HSDL1: variants seen among roughly 807,000 people sequenced by gnomAD.
The protein encoded by HSDL1 is inactive hydroxysteroid dehydrogenase-like protein 1.
In HSDL1, 29 loss-of-function variants were observed where a neutral mutation model predicts 31.5. The ratio of observed to expected loss-of-function variants is 0.92; its 90% confidence interval spans 0.69 to 1.26. HSDL1 has a LOEUF of 1.26. Ranked by LOEUF, HSDL1 falls within the 50% of genes most tolerant of loss-of-function variation. The pLI is 0.00. For missense variants in HSDL1, 503 were observed against 416.6 expected, an observed-to-expected ratio of 1.21 and a Z score of -1.81; for synonymous variants, 222 against 155.2, an observed-to-expected ratio of 1.43 and a Z score of -3.20.
At chr16:84,141,888 T>C (rs2086772522) in intron 1 of HSDL1, among the ~76,000 whole-genome samples, 1 of 152,206 alleles carries the variant, frequency 6.6e-6, no homozygotes, top group Non-Finnish European at 1.5e-5. Flanking sequence ...TAGCTCTCTG[T>C]ATGTTTTGTG....
chr16:84,132,484 T>C (rs535745500), intron 2 of HSDL1, among the ~76,000 whole-genome samples: 22 of 152,362 alleles, frequency 1.4e-4, no homozygotes, highest in African/African-American at 3.8e-4. Flanking sequence ...GTAACCATTA[T>C]GTTGCCTGGT....
intron 1 of HSDL1, among the ~76,000 whole-genome samples, chr16:84,143,209 A>G (rs190877187): frequency 8.5e-5 from 13 of 152,364 alleles, no homozygotes; most frequent in African/African-American, 3.1e-4. Context: ...AATGTCCATC[A>G]ACAAATGAAT....
chr16:84,127,209 CTTTTTTTTTTT>C (rs71148881), intron 5 of HSDL1, among the ~76,000 whole-genome samples: 15,147 of 93,726 alleles, frequency 0.16, 1,212 homozygotes, highest in African/African-American at 0.29. Flanking sequence ...ACTGTTTCTT[CTTTTTTTTTTT>C]TTTTTTTTTT....
rs1462423516 is a variant in HSDL1 at position 84,131,517 on chromosome 16, CT to C, written c.-6-191del. On this transcript the variant is annotated intron_variant, in intron 2 of 5. Coordinates refer to ENST00000219439, the MANE Select transcript of HSDL1 (RefSeq NM_031463.5). Reference sequence around the variant, plus strand: ...TCTATCTATCTATCTATCTATCTATCTATCTATCTATCTATCAGACAGAGTC... The same window carrying C: ...TCTATCTATCTATCTATCTATCTATCATCTATCTATCTATCAGACAGAGTC... Among the ~76,000 whole-genome samples, 345 of 151,146 alleles carry C rather than the reference CT, an allele frequency of 2.3e-3. 1 individual carries two copies. The highest frequency in any genetic ancestry group is 9.6e-3 in the South Asian group (46 of 4,812).
At chr16:84,140,222 C>G (rs2151192004) in intron 1 of HSDL1, among the ~76,000 whole-genome samples, 1 of 152,320 alleles carries the variant, frequency 6.6e-6, no homozygotes, top group Non-Finnish European at 1.5e-5. Context: ...GCACAGGCCT[C>G]TGGAGGGCAG....
chr16:84,131,499 ATC>A (rs2086666095), intron 2 of HSDL1, among the ~76,000 whole-genome samples, 172 bp from the exon 3 acceptor site: 1 of 149,476 alleles, frequency 6.7e-6, no homozygotes, highest in South Asian at 2.1e-4. Flanking sequence ...CTATCTATCT[ATC>A]TATCTATCTA....
chr16:84,143,304 T>C (rs1206950772), intron 1 of HSDL1, among the ~76,000 whole-genome samples: 2 of 152,210 alleles, frequency 1.3e-5, no homozygotes, highest in African/African-American at 2.4e-5. Context: ...TACTACAACA[T>C]GGATAAACTT....
At chr16:84,131,629 C>T (rs1365393536) in intron 2 of HSDL1, among the ~76,000 whole-genome samples, 1 of 151,986 alleles carries the variant, frequency 6.6e-6, no homozygotes, top group South Asian at 2.1e-4. Flanking sequence ...ATTCTCCTGC[C>T]TCAGCCTCCC....
rs562402816 is a variant in HSDL1 at position 84,138,475 on chromosome 16, A to G, written c.-68-2870T>C. On this transcript the variant is annotated intron_variant, in intron 1 of 5. Coordinates refer to ENST00000219439, the MANE Select transcript of HSDL1 (RefSeq NM_031463.5). ...AGGGTAGATCTCAAGTGTTCTCACC[A>G]TAAAGAAATAAAAAAGTAACTGAGG... Among the ~76,000 whole-genome samples, 38 of 151,672 alleles carry G rather than the reference A, an allele frequency of 2.5e-4. No individual in the cohort carries two copies. In the South Asian group the frequency reaches 5.2e-3, roughly 21 times the overall value.
rs139348951 is a variant in HSDL1, at chr16:84,132,374, T to TA, written c.-6-1048dup. 2.0e-4 allele frequency among the ~76,000 whole-genome samples: 31 copies of TA among 151,326 alleles called. No homozygotes were observed. The South Asian group carries it at 4.6e-3, about 23-fold the overall frequency. Reference sequence around the variant, plus strand: ...AGCTTTCAAAAACCTTTACATCAATTAAAAAAAAAATTTTTTTTAAAGAGA... The same window carrying TA: ...AGCTTTCAAAAACCTTTACATCAATTAAAAAAAAAAATTTTTTTTAAAGAGA... On this transcript the variant is annotated intron_variant, in intron 2 of 5. Transcript: ENST00000219439.
chr16:84,144,443 G>C (rs939315143), intron 1 of HSDL1: 4 of 152,396 alleles, frequency 2.6e-5, no homozygotes, highest in African/African-American at 9.7e-5. Context: ...GCGTCTGGGT[G>C]GCACGTTCAG....
intron 2 of HSDL1, among the ~76,000 whole-genome samples, chr16:84,134,119 C>T (rs1266891759): frequency 6.6e-6 from 1 of 152,082 alleles, no homozygotes; most frequent in African/African-American, 2.4e-5. Context: ...TTAGGGCCCC[C>T]CCTTCAGTGT....
chr16:84,131,530 TATCA>T (rs1281679565), intron 2 of HSDL1, among the ~76,000 whole-genome samples: 14 of 146,248 alleles, frequency 9.6e-5, no homozygotes, highest in East Asian at 2.1e-4. Context: ...TCTATCTATC[TATCA>T]GACAGAGTCT....
intron 5 of HSDL1, among the ~76,000 whole-genome samples, chr16:84,127,946 C>G (rs1288497069): frequency 2.0e-5 from 3 of 150,598 alleles, no homozygotes; most frequent in East Asian, 4.0e-4. Flanking sequence ...GTCTCGATCT[C>G]CTGACCTCGT....
intron 2 of HSDL1, among the ~76,000 whole-genome samples, chr16:84,132,686 T>C (rs1323528604): frequency 6.6e-6 from 1 of 152,136 alleles, no homozygotes; most frequent in Non-Finnish European, 1.5e-5. Context: ...GTGGTAGGTG[T>C]GTGCCTGCAA....
chr16:84,140,393 T>C (rs2086755470), intron 1 of HSDL1, among the ~76,000 whole-genome samples: 1 of 152,016 alleles, frequency 6.6e-6, no homozygotes, highest in South Asian at 2.1e-4. Context: ...GCCTCCCGAG[T>C]AGCTGGGACT....
intron 2 of HSDL1, among the ~76,000 whole-genome samples, chr16:84,131,837 G>C (rs1271154686): frequency 6.6e-6 from 1 of 152,076 alleles, no homozygotes; most frequent in Non-Finnish European, 1.5e-5. Flanking sequence ...CCGCCACCTC[G>C]CCCGGCTAAT....
chr16:84,133,180 C>A (rs1025836971), intron 2 of HSDL1, among the ~76,000 whole-genome samples: 1 of 151,700 alleles, frequency 6.6e-6, no homozygotes, highest in Non-Finnish European at 1.5e-5. Flanking sequence ...AAGAATGGCA[C>A]CATATTGTGA....
At chr16:84,130,800 G>A (rs1025492749) in intron 3 of HSDL1, among the ~76,000 whole-genome samples, 2 of 152,290 alleles carry the variant, frequency 1.3e-5, no homozygotes, top group African/African-American at 4.8e-5. Flanking sequence ...TCTGAAAGTG[G>A]CAACACTTTC....
Sources: gnomAD v4.1 joint callset for allele counts (sites outside exome capture counted in the v4.1 genomes callset) on GRCh38, gnomAD v4.1.1 for gene constraint, MANE v1.5 for transcripts, NCBI Gene and HGNC (gene_info 2026-07-23, HGNC 2026-07-21) for gene names.